The following CDKL4 variants were observed in gnomAD, a reference collection of about 807,000 sequenced individuals.
CDKL4 encodes the protein cyclin-dependent kinase-like 4.
Under a neutral mutation model 42.0 loss-of-function variants are expected in CDKL4, and 44 were observed. The ratio of observed to expected loss-of-function variants is 1.05; its 90% CI spans 0.82 to 1.35. The LOEUF (loss-of-function observed/expected upper bound fraction) is 1.35, where lower values mean the gene tolerates loss of function less well. Ranked by LOEUF, CDKL4 falls within the 40% of genes most tolerant of loss-of-function variation. The pLI, the probability that CDKL4 is intolerant of heterozygous loss-of-function variation, is 0.00. For synonymous variants in CDKL4, 120 were observed against 121.6 expected (o/e 0.99, Z 0.09); for missense variants, 393 against 369.9 (o/e 1.06, Z -0.51).
At chr2:39,180,638 T>A (rs137898674) in intron 8 of CDKL4, among the ~76,000 whole-genome samples, 7 of 152,032 alleles carry the variant, frequency 4.6e-5, no homozygotes, top group Non-Finnish European at 1.0e-4. Context: ...TGGAAAAACA[T>A]TCTCCTCAAA....
chr2:39,168,248 T>G, the CDKL4 span, among the ~76,000 whole-genome samples: 2 of 152,166 alleles, frequency 1.3e-5, no homozygotes, highest in Non-Finnish European at 2.9e-5. Flanking sequence ...ATATACCTGC[T>G]TCTACACAAA....
chr2:39,173,035 G>A (rs1276083505), downstream of CDKL4, among the ~76,000 whole-genome samples: 1 of 152,158 alleles, frequency 6.6e-6, no homozygotes, highest in East Asian at 1.9e-4. Context: ...TTTAATGCAA[G>A]CAAAAATAAG....
chr2:39,203,368 A>G (rs776436213), intron 5 of CDKL4, among the ~76,000 whole-genome samples: 6 of 152,188 alleles, frequency 3.9e-5, no homozygotes, highest in Non-Finnish European at 8.8e-5. Flanking sequence ...TATGTTCTTA[A>G]TGCTTGTAAT....
At chr2:39,224,026 G>GT (rs575380993) in intron 3 of CDKL4, among the ~76,000 whole-genome samples, 4 of 152,048 alleles carry the variant, frequency 2.6e-5, no homozygotes, top group African/African-American at 9.6e-5. Context: ...ATTTATGAAA[G>GT]TTTTTTTTGA....
the CDKL4 span, among the ~76,000 whole-genome samples, chr2:39,169,062 T>C: frequency 1.3e-5 from 2 of 152,188 alleles, no homozygotes; most frequent in South Asian, 4.1e-4. Context: ...GCTTGAGTCC[T>C]TGCTTTTGAA....
At position 39,222,293 on chromosome 2, in the gene CDKL4, T is replaced by G. The variant is rs78373010; in HGVS notation, c.290+3546A>C. ...TTACAAATATCTAGGATTTCACATT[T>G]TAAAGATTATGATAGGCCAGGTGTG... On this transcript the variant is annotated intron_variant, in intron 3 of 9. Coordinates refer to ENST00000451199, the Ensembl canonical transcript of CDKL4. 8.6e-3 allele frequency among the ~76,000 whole-genome samples: 1,316 copies of G among 152,156 alleles called. 24 individuals carry two copies. Among genetic ancestry groups the G allele is most frequent in the African/African-American group, 0.03 (1,226 of 41,514 alleles).
intron 1 of CDKL4, among the ~76,000 whole-genome samples, chr2:39,235,321 A>C (rs1458581801): frequency 2.0e-5 from 3 of 152,214 alleles, no homozygotes; most frequent in Non-Finnish European, 4.4e-5. Context: ...ATATACTTAA[A>C]GATCAAAGTA....
intron 8 of CDKL4, among the ~76,000 whole-genome samples, chr2:39,183,017 T>TA (rs1675529838): frequency 1.3e-5 from 2 of 152,156 alleles, no homozygotes; most frequent in African/African-American, 4.8e-5. Flanking sequence ...CACAGTGGCT[T>TA]ACGCCTGTAA....
chr2:39,226,852 C>T (rs1393989375), intron 2 of CDKL4, among the ~76,000 whole-genome samples: 1 of 152,006 alleles, frequency 6.6e-6, no homozygotes, highest in Admixed American at 6.6e-5. Flanking sequence ...CTACAACCTC[C>T]GCCTCCTGGT....
At chr2:39,226,434 A>ATTATATATATTATATATAT (rs1678720022) in intron 2 of CDKL4, among the ~76,000 whole-genome samples, 3 of 101,572 alleles carry the variant, frequency 3.0e-5, no homozygotes, top group Non-Finnish European at 4.3e-5. Context: ...TATTTATATA[A>ATTATATATATTATATATAT]ATTATATATA....
chr2:39,167,979 CAG>C, the CDKL4 span, among the ~76,000 whole-genome samples: 1 of 151,918 alleles, frequency 6.6e-6, no homozygotes, highest in Non-Finnish European at 1.5e-5. Flanking sequence ...AATTAGGAGA[CAG>C]AAATATTTCT....
intron 5 of CDKL4, among the ~76,000 whole-genome samples, chr2:39,198,979 C>T (rs1185308981): frequency 6.6e-6 from 1 of 151,804 alleles, no homozygotes; most frequent in African/African-American, 2.4e-5. Flanking sequence ...AAAGAAATAA[C>T]CAAGATCAGA....
intron 1 of CDKL4, among the ~76,000 whole-genome samples, chr2:39,236,161 A>T (rs1455498497): frequency 6.6e-6 from 1 of 151,382 alleles, no homozygotes; most frequent in Non-Finnish European, 1.5e-5. Context: ...GAGTAAAAAA[A>T]AAAAAAAAAA....
chr2:39,188,815 G>A (rs1675998746), intron 6 of CDKL4, among the ~76,000 whole-genome samples: 1 of 151,880 alleles, frequency 6.6e-6, no homozygotes, highest in African/African-American at 2.4e-5. Context: ...TTAGCCTCCC[G>A]AGTAGCTGGA....
downstream of CDKL4, among the ~76,000 whole-genome samples, chr2:39,175,262 G>A (rs1675118446): frequency 1.3e-5 from 2 of 152,164 alleles, no homozygotes; most frequent in Admixed American, 1.3e-4. Context: ...TTAGACAGGA[G>A]GAGAAAAGGA....
In CDKL4 at chr2:39,192,999, G is replaced by T. The variant is rs11904764; in HGVS notation, c.455-2497C>A. Among the ~76,000 whole-genome samples, 1,311 of 151,888 alleles carry T rather than the reference G, an allele frequency of 8.6e-3. 23 individuals carry two copies. The highest frequency in any genetic ancestry group is 0.03 in the African/African-American group (1,223 of 41,390). The stretch of plus-strand genomic sequence containing the variant: ...AAAAATCAGCCAGGCATGGTAGCAT[G>T]TGCCTGTGGTCCCAGCTACATGGGA... On this transcript the variant is annotated intron_variant, in intron 5 of 9. Transcript: ENST00000451199.
At position 39,190,302 on chromosome 2, in the gene CDKL4, T is replaced by C. The variant is rs1357505078; in HGVS notation, c.652+3A>G. On this transcript the variant is annotated splice_donor_region_variant and intron_variant, in intron 6 of 9. Transcript: ENST00000451199. ...CTCTGTTGCCATAAAATGCAATTCA[T>C]ACCTAGTGTTCTGATTATCAGATAA... 1 of 1,612,742 alleles carries C rather than the reference T, an allele frequency of 6.2e-7. No homozygotes were observed. The highest frequency in any genetic ancestry group is 2.2e-5 in the East Asian group (1 of 44,888).
chr2:39,198,487 T>C (rs1300925528), intron 5 of CDKL4, among the ~76,000 whole-genome samples: 2 of 152,088 alleles, frequency 1.3e-5, no homozygotes, highest in African/African-American at 4.8e-5. Context: ...CTACAACAAA[T>C]GGACTTAACA....
intron 5 of CDKL4, among the ~76,000 whole-genome samples, chr2:39,198,454 A>G (rs912694018): frequency 3.3e-5 from 5 of 152,186 alleles, no homozygotes; most frequent in African/African-American, 1.2e-4. Flanking sequence ...GTCAACAAAG[A>G]AACAATGGAC....
Sources: allele counts gnomAD v4.1 joint callset (sites outside exome capture counted in the v4.1 genomes callset), GRCh38; gene constraint gnomAD v4.1.1; transcripts MANE v1.5; gene names NCBI Gene and HGNC (gene_info 2026-07-23, HGNC 2026-07-21).